The following GRID2 variants were observed in gnomAD, a reference collection of about 807,000 sequenced individuals.
GRID2 encodes glutamate receptor ionotropic, delta-2.
GRID2 carries 33 observed loss-of-function variants against 114.8 expected under a neutral mutation model. The ratio of observed to expected loss-of-function variants is 0.29; its 90% confidence interval spans 0.22 to 0.38. GRID2 has a LOEUF of 0.38. Ranked by LOEUF, GRID2 falls within the 10% of genes least tolerant of loss-of-function variation. The pLI is 1.00. For synonymous variants in GRID2, 505 were observed against 449.9 expected (o/e 1.12, Z -1.55); for missense variants, 1,184 against 1,257.7 (o/e 0.94, Z 0.89).
intron 1 of GRID2, among the ~76,000 whole-genome samples, chr4:92,573,938 C>A (rs1727751580): frequency 6.6e-6 from 1 of 151,934 alleles, no homozygotes; most frequent in African/African-American, 2.4e-5. Flanking sequence ...TTTGTAGAAG[C>A]CTAAGTCTCT....
At chr4:93,166,888 A>G (rs2149416078) in intron 4 of GRID2, among the ~76,000 whole-genome samples, 1 of 152,270 alleles carries the variant, frequency 6.6e-6, no homozygotes, top group South Asian at 2.1e-4. Context: ...ATAGGTTGCT[A>G]GATATGATTT....
intron 4 of GRID2, among the ~76,000 whole-genome samples, chr4:93,194,087 T>C (rs956234686): frequency 5.3e-5 from 8 of 152,220 alleles, no homozygotes; most frequent in African/African-American, 1.9e-4. Flanking sequence ...AACTCATTCC[T>C]ACTCTTGAAC....
At chr4:93,046,768 C>T (rs1247337495) in intron 2 of GRID2, among the ~76,000 whole-genome samples, 4 of 151,810 alleles carry the variant, frequency 2.6e-5, no homozygotes, top group East Asian at 1.9e-4. Context: ...TTTAGCTTTG[C>T]TTTTATGCCT....
chr4:93,768,549 T>G (rs958224738), intron 14 of GRID2, among the ~76,000 whole-genome samples: 1 of 152,234 alleles, frequency 6.6e-6, no homozygotes, highest in Non-Finnish European at 1.5e-5. Context: ...GGTCAGGTTT[T>G]CTTCTTGTTT....
At chr4:92,797,553 CTCTT>C (rs1739947741) in intron 2 of GRID2, among the ~76,000 whole-genome samples, 1 of 151,898 alleles carries the variant, frequency 6.6e-6, no homozygotes, top group Admixed American at 6.6e-5. Flanking sequence ...AAAGTTTTAA[CTCTT>C]TCAATAGATT....
Position 92,932,667 on chromosome 4 carries a change from G to T in GRID2, c.245-152328G>T, listed in dbSNP as rs542219018. On this transcript the variant is annotated intron_variant, in intron 2 of 15. Transcript: ENST00000282020. Reference sequence around the variant, plus strand: ...GCCAGTACCTGCAACAGCTCAAGTGGCCCAAAATAGAATGGATAAATACAT... The same window carrying T: ...GCCAGTACCTGCAACAGCTCAAGTGTCCCAAAATAGAATGGATAAATACAT... Among the ~76,000 whole-genome samples the T allele has an allele frequency of 9.2e-4, 139 of 151,188 alleles. 1 individual carries two copies. The highest frequency in any genetic ancestry group is 1.4e-3 in the Non-Finnish European group (94 of 67,420).
chr4:93,732,977 G>A (rs1021257109), intron 14 of GRID2, among the ~76,000 whole-genome samples: 6 of 151,770 alleles, frequency 4.0e-5, no homozygotes, highest in African/African-American at 1.5e-4. Context: ...TTATTTGAAA[G>A]CATGGCACTA....
chr4:93,012,706 C>T (rs1172536536), intron 2 of GRID2, among the ~76,000 whole-genome samples: 1 of 151,898 alleles, frequency 6.6e-6, no homozygotes, highest in Non-Finnish European at 1.5e-5. Flanking sequence ...AAAATCTCTA[C>T]AAGTTATGCA....
chr4:93,439,785 G>T (rs1721453336), intron 10 of GRID2, among the ~76,000 whole-genome samples: 1 of 152,050 alleles, frequency 6.6e-6, no homozygotes, highest in Non-Finnish European at 1.5e-5. Flanking sequence ...ACCTGAGAAT[G>T]TGATGAGTTG....
At position 93,224,598 on chromosome 4, in the gene GRID2, T is replaced by C. The variant is rs1745273964; in HGVS notation, c.964-16T>C. The C allele has an allele frequency of 6.4e-7, 1 of 1,566,212 alleles. No individual in the cohort carries two copies. Among genetic ancestry groups the C allele is most frequent in the Non-Finnish European group, 8.8e-7 (1 of 1,138,216 alleles). ...GTGTCAATGATTCTAATGATCACTT[T>C]CTAATGTCTTTTCAGATTTCCAACC... On this transcript the variant is annotated splice_polypyrimidine_tract_variant and intron_variant, in intron 6 of 15. Transcript: ENST00000282020.
intron 2 of GRID2, among the ~76,000 whole-genome samples, chr4:92,816,063 C>G (rs1156767583): frequency 1.3e-5 from 2 of 150,864 alleles, no homozygotes; most frequent in East Asian, 3.9e-4. Flanking sequence ...TGCCTGTAAT[C>G]CCAGCACTTT....
chr4:93,014,333 C>T (rs897295103), intron 2 of GRID2, among the ~76,000 whole-genome samples: 4 of 151,836 alleles, frequency 2.6e-5, no homozygotes, highest in Non-Finnish European at 5.9e-5. Context: ...AACATTCAGC[C>T]CACAGCACAG....
intron 2 of GRID2, among the ~76,000 whole-genome samples, chr4:93,068,526 G>A (rs1338728024): frequency 1.3e-5 from 2 of 151,940 alleles, no homozygotes; most frequent in Non-Finnish European, 2.9e-5. Flanking sequence ...AAGAGTTCAG[G>A]GAACTATGTC....
intron 4 of GRID2, among the ~76,000 whole-genome samples, chr4:93,124,370 T>G (rs1434514982): frequency 6.6e-6 from 1 of 152,238 alleles, no homozygotes; most frequent in African/African-American, 2.4e-5. Flanking sequence ...ACTAGAGAGA[T>G]GTATTTATTG....
rs572721700 is a variant in GRID2, at chr4:92,361,342, ACT to A, written c.88+56601_88+56602del. ...TTAAAAATAATAGTTCAATTAAATA[ACT>A]CTACGTGAAGACAGTGTATCAGTAT... On this transcript the variant is annotated intron_variant, in intron 1 of 15. Coordinates refer to ENST00000282020, the MANE Select transcript of GRID2 (RefSeq NM_001510.4). 3.7e-4 allele frequency among the ~76,000 whole-genome samples: 57 copies of A among 152,128 alleles called. No individual in the cohort carries two copies. In the South Asian group the frequency reaches 0.012, roughly 31 times the overall value.
intron 14 of GRID2, among the ~76,000 whole-genome samples, chr4:93,705,555 T>C (rs190383417): frequency 1.3e-5 from 2 of 152,274 alleles, no homozygotes; most frequent in African/African-American, 4.8e-5. Flanking sequence ...ATAGAGTTGT[T>C]TGAGCTCCCT....
chr4:93,306,861 T>A (rs1755478840), intron 8 of GRID2, among the ~76,000 whole-genome samples: 1 of 152,190 alleles, frequency 6.6e-6, no homozygotes, highest in Non-Finnish European at 1.5e-5. Context: ...AGGTTTATAT[T>A]TTACTTGATA....
chr4:93,583,582 T>C (rs996151284), intron 13 of GRID2, among the ~76,000 whole-genome samples: 1 of 152,128 alleles, frequency 6.6e-6, no homozygotes, highest in African/African-American at 2.4e-5. Flanking sequence ...CAAGTAGTTA[T>C]ATTATTATAG....
chr4:92,450,526 T>C (rs1238751532), intron 1 of GRID2, among the ~76,000 whole-genome samples: 10 of 152,266 alleles, frequency 6.6e-5, no homozygotes, highest in Non-Finnish European at 1.3e-4. Context: ...AGTTGTATTC[T>C]CCTGTTCTTT....
Sources: gnomAD v4.1 joint callset for allele counts (sites outside exome capture counted in the v4.1 genomes callset) on GRCh38, gnomAD v4.1.1 for gene constraint, MANE v1.5 for transcripts, NCBI Gene and HGNC (gene_info 2026-07-23, HGNC 2026-07-21) for gene names.